The following NEB variants were observed in gnomAD, a reference collection of about 807,000 sequenced individuals.
NEB encodes the protein nebulin.
NEB carries 512 observed loss-of-function variants against 952.2 expected under a neutral mutation model. That is an observed-to-expected ratio of 0.54 (90% CI 0.50 to 0.58). The LOEUF (loss-of-function observed/expected upper bound fraction) is 0.58, where lower values mean the gene tolerates loss of function less well. Among genes scored for constraint, NEB ranks in the 20% least tolerant of loss-of-function variants. The pLI is 0.00. For missense variants in NEB, 8,428 were observed against 9,231.1 expected (o/e 0.91, Z 3.56); for synonymous variants, 2,900 against 3,149.8 (o/e 0.92, Z 2.66).
At chr2:151,570,008 G>A in intron 109 of NEB, 73 bp downstream of exon 109, 3 of 1,392,490 alleles carry the variant, frequency 2.2e-6, no homozygotes, top group South Asian at 1.3e-5. Flanking sequence ...GACAGAAGGG[G>A]TTAGTGTCAT....
In NEB at chr2:151,644,533, A is replaced by G; in HGVS notation, c.7579T>C (p.Tyr2527His). The G allele has an allele frequency of 6.2e-7, 1 of 1,613,974 alleles. No individual in the cohort carries two copies. Among genetic ancestry groups the G allele is most frequent in the South Asian group, 1.1e-5 (1 of 91,080 alleles). ...MGYEELKRKG[Y>H]DLPVDAIPIK... ...GGTATGGCATCAACAGGAAGATCGTAACCTTTTCTCTTCAGCTCCTCATAA... is the reference window on the plus strand; with the variant it reads ...GGTATGGCATCAACAGGAAGATCGTGACCTTTTCTCTTCAGCTCCTCATAA... The change falls in exon 56 of 182, where the codon TAC becomes CAC. Residue 2527 changes from tyrosine to histidine, a missense_variant. Tyr to His is a moderately conservative substitution (Grantham distance 83). Transcript: ENST00000397345.
chr2:151,626,898 G>C, intron 70 of NEB, 104 bp downstream of exon 70: 1 of 1,361,646 alleles, frequency 7.3e-7, no homozygotes, highest in Non-Finnish European at 1.0e-6. Context: ...CTATACATTG[G>C]ATAGCAATTT....
At position 151,632,163 on chromosome 2, in the gene NEB, A is replaced by AT. The variant is rs558463697; in HGVS notation, c.9415-818dup. Among the ~76,000 whole-genome samples the AT allele has an allele frequency of 4.6e-5, 7 of 151,538 alleles. No individual in the cohort carries two copies. In the East Asian group the frequency reaches 5.8e-4, roughly 13 times the overall value. ...CATATTTTTCTCACTTTATTAAAAA[A>AT]TTTTTTTTTGCTGAAGGTTTTTATA... On this transcript the variant is annotated intron_variant, in intron 65 of 181. Transcript: ENST00000397345.
intron 37 of NEB, 31 bp downstream of exon 37, chr2:151,672,338 C>T (rs1341230567): frequency 9.1e-6 from 14 of 1,531,436 alleles, no homozygotes; most frequent in Non-Finnish European, 1.2e-5. Context: ...TAAGTGCAAA[C>T]ATCTCTGGGT....
At position 151,640,335 on chromosome 2, in the gene NEB, T is replaced by G. The variant is rs764128200; in HGVS notation, c.8685+20A>C. The G allele has an allele frequency of 1.1e-5, 17 of 1,609,028 alleles. No individual in the cohort carries two copies. In the Admixed American group the frequency reaches 2.8e-4, roughly 27 times the overall value. ...AATAATTTCCCACCTCTGCACGTTATTATGACTCTCAGTACTCACATCGCT... is the reference window on the plus strand; with the variant it reads ...AATAATTTCCCACCTCTGCACGTTAGTATGACTCTCAGTACTCACATCGCT... On this transcript the variant is annotated intron_variant, in intron 61 of 181. Coordinates refer to ENST00000397345, the MANE Select transcript of NEB (RefSeq NM_001164508.2).
chr2:151,548,472 A>C lies in NEB; in HGVS notation c.20050-57T>G. On this transcript the variant is annotated intron_variant, in intron 130 of 181. Transcript: ENST00000397345. The stretch of plus-strand genomic sequence containing the variant: ...ATGGGTAAACAAGGACCAACATTAC[A>C]TTTCTCCAAATAGAAAAGAGATGTC... The C allele has an allele frequency of 2.6e-6, 3 of 1,160,352 alleles. No homozygotes were observed. In the South Asian group the frequency reaches 3.8e-5, roughly 15 times the overall value. 71.9% of individuals were successfully genotyped at this position (1,160,352 alleles called of 1,614,324 possible).
chr2:151,728,023 A>C, intron 4 of NEB, 117 bp from the exon 5 acceptor site: 2 of 786,564 alleles, frequency 2.5e-6, no homozygotes, highest in South Asian at 1.8e-5. Flanking sequence ...TTACTTCTCC[A>C]TATCTAAAGT....
intron 113 of NEB, 31 bp from the exon 114 acceptor site, chr2:151,567,510 GT>G: frequency 1.3e-6 from 2 of 1,556,516 alleles, no homozygotes; most frequent in African/African-American, 2.7e-5. Context: ...AATTCCATCA[GT>G]TTTGACAAGC....
In NEB at chr2:151,649,656, C is replaced by T. The variant is rs542012620; in HGVS notation, c.7431+520G>A. Among the ~76,000 whole-genome samples the T allele has an allele frequency of 3.9e-5, 6 of 152,160 alleles. No homozygotes were observed. In the East Asian group the frequency reaches 1.2e-3, roughly 29 times the overall value. ...TTTTTCAATGAATATTTATTGAGTACCTATTATGTGCTAGATACTGGTGTC... is the reference window on the plus strand; with the variant it reads ...TTTTTCAATGAATATTTATTGAGTATCTATTATGTGCTAGATACTGGTGTC... On this transcript the variant is annotated intron_variant, in intron 54 of 181. Transcript: ENST00000397345.
rs1315052479 is a variant in NEB, at chr2:151,527,008, C to T, written c.21855G>A (p.Leu7285=). The change falls in exon 148 of 182, where the codon CTG becomes CTA. Residue 7285 remains leucine (L), a synonymous_variant. Coordinates refer to ENST00000397345, the MANE Select transcript of NEB (RefSeq NM_001164508.2). ...SLQQSDFEYK[L]DREFLKGCKL... ...TGCAACCCTTGAGGAACTCCCGGTC[C>T]AGCTTATATTCAAACTGTGATAGAA... 12 of 1,595,056 alleles carry T rather than the reference C, an allele frequency of 7.5e-6. No individual in the cohort carries two copies. Among genetic ancestry groups the T allele is most frequent in the South Asian group, 1.1e-5 (1 of 88,088 alleles).
chr2:151,528,510 C>T (rs1274502550), intron 146 of NEB, among the ~76,000 whole-genome samples: 3 of 152,144 alleles, frequency 2.0e-5, no homozygotes, highest in Non-Finnish European at 4.4e-5. Flanking sequence ...CACATCTGTC[C>T]TTCTATCCGT....
At chr2:151,704,534 C>T (rs1245496389) in intron 13 of NEB, among the ~76,000 whole-genome samples, 3 of 151,910 alleles carry the variant, frequency 2.0e-5, no homozygotes, top group Admixed American at 6.5e-5. Flanking sequence ...TAGGACCCTC[C>T]GAGCCAGGTG....
intron 42 of NEB, among the ~76,000 whole-genome samples, chr2:151,665,066 G>A (rs898352125): frequency 5.9e-5 from 9 of 152,136 alleles, no homozygotes; most frequent in African/African-American, 1.9e-4. Context: ...TACCACCAAA[G>A]CACCAAATAC....
intron 64 of NEB, among the ~76,000 whole-genome samples, chr2:151,635,707 CAAA>C (rs1292764660): frequency 9.3e-5 from 8 of 86,004 alleles, no homozygotes; most frequent in Admixed American, 1.2e-4. Context: ...ACTCTGTCTC[CAAA>C]AAAAAAAAAA....
intron 16 of NEB, 33 bp from the exon 17 acceptor site, chr2:151,696,768 T>C (rs1433689689): frequency 6.4e-7 from 1 of 1,552,448 alleles, no homozygotes; most frequent in Non-Finnish European, 8.9e-7. Context: ...GGTTTAGTAG[T>C]ATCACCTGTC....
intron 34 of NEB, among the ~76,000 whole-genome samples, chr2:151,676,918 A>G (rs919550366): frequency 6.6e-6 from 1 of 152,188 alleles, no homozygotes; most frequent in Non-Finnish European, 1.5e-5. Flanking sequence ...CACATGGTAA[A>G]TGTTCAAAAA....
At chr2:151,609,174 C>T (rs1187142962) in intron 81 of NEB, among the ~76,000 whole-genome samples, 20 of 150,230 alleles carry the variant, frequency 1.3e-4, no homozygotes, top group East Asian at 3.9e-4. Flanking sequence ...GCCTGGGCAA[C>T]GAGAGTGAAA....
At position 151,636,327 on chromosome 2, in the gene NEB, T is replaced by C. The variant is rs1574635522; in HGVS notation, c.9002A>G (p.Tyr3001Cys). ...CTTTGCTTCTTCATTAGCAAGTTTG[T>C]ACAGACTCTAAATTTGGGGGAAAAA... ...MNKINYSESL[Y>C]KLANEEAKKK... The change falls in exon 64 of 182, where the codon TAC becomes TGC. Residue 3001 changes from tyrosine to cysteine, a missense_variant. By Grantham distance (194) the Tyr-to-Cys change is radical. Transcript: ENST00000397345. The C allele has an allele frequency of 1.2e-6, 2 of 1,604,456 alleles. No individual in the cohort carries two copies. The highest frequency in any genetic ancestry group is 3.3e-5 in the Admixed American group (2 of 59,812).
At position 151,563,861 on chromosome 2, in the gene NEB, T is replaced by A. The variant is rs1211919696; in HGVS notation, c.18541A>T (p.Ile6181Phe). 11 of 1,613,120 alleles carry A rather than the reference T, an allele frequency of 6.8e-6. No homozygotes were observed. The highest frequency in any genetic ancestry group is 8.5e-6 in the Non-Finnish European group (10 of 1,179,594). ...GYTLDERYIP[I>F]VGAKHADLVN... ...AGATCAGCATGCTTGGCTCCAACAATGGGAATGTAGCGCTCATCCAGGGTG... is the reference window on the plus strand; with the variant it reads ...AGATCAGCATGCTTGGCTCCAACAAAGGGAATGTAGCGCTCATCCAGGGTG... Residue 6181 changes from isoleucine (I) to phenylalanine (F), a missense_variant, in exon 118 of 182, where the codon ATT becomes TTT. This residue lies in a region of NEB where 3,374 missense variants were observed against 3,651.5 expected (regional missense o/e 0.92). Transcript: ENST00000397345.
Sources: allele counts gnomAD v4.1 joint callset (sites outside exome capture counted in the v4.1 genomes callset), GRCh38; gene constraint gnomAD v4.1.1; regional missense constraint gnomAD v4.1.1; transcripts MANE v1.5; gene names NCBI Gene and HGNC (gene_info 2026-07-23, HGNC 2026-07-21).